Variants in VAV2 observed in about 807,000 individuals in gnomAD.
The protein encoded by VAV2 is vav guanine nucleotide exchange factor 2.
Under a neutral mutation model 132.5 loss-of-function variants are expected in VAV2, and 67 were observed. The ratio of observed to expected loss-of-function variants is 0.51; its 90% CI spans 0.42 to 0.62. VAV2 has a LOEUF of 0.62. Ranked by LOEUF, VAV2 falls within the 20% of genes least tolerant of loss-of-function variation. The probability of loss-of-function intolerance (pLI) is 0.00; values close to 1 mark genes in which losing one functional copy is unlikely to be tolerated. For synonymous variants in VAV2, 492 were observed against 443.5 expected (o/e 1.11, Z -1.37); for missense variants, 938 against 1,153.6 (o/e 0.81, Z 2.71).
chr9:133,819,734 G>T (rs548913114), intron 4 of VAV2, among the ~76,000 whole-genome samples: 9 of 152,238 alleles, frequency 5.9e-5, no homozygotes, highest in African/African-American at 1.9e-4. Context: ...CGTCCAAAGC[G>T]CTCTCCCAAC....
chr9:133,934,224 G>A (rs556913242), intron 2 of VAV2, among the ~76,000 whole-genome samples: 19 of 152,240 alleles, frequency 1.2e-4, no homozygotes, highest in East Asian at 9.7e-4. Context: ...TTGGGGAGCC[G>A]GGAGGCAGCT....
chr9:133,921,051 G>A lies in VAV2; in HGVS notation c.321+18052C>T, dbSNP rs542883513. ...GAAAACCAATTACTTAATAAATGTC[G>A]TTGGCTTAATATGCATAATCTCTGA... On this transcript the variant is annotated intron_variant, in intron 2 of 29. Transcript: ENST00000371850. 1.1e-4 allele frequency among the ~76,000 whole-genome samples: 17 copies of A among 152,290 alleles called. No homozygotes were observed. In the South Asian group the frequency reaches 1.2e-3, roughly 11 times the overall value.
intron 3 of VAV2, among the ~76,000 whole-genome samples, chr9:133,850,878 GGTGGGC>G (rs1407373872): frequency 6.6e-6 from 1 of 152,226 alleles, no homozygotes; most frequent in Non-Finnish European, 1.5e-5. Flanking sequence ...ATCAGCCAAT[GGTGGGC>G]AGGGTACCAC....
At chr9:133,779,020 C>T in intron 21 of VAV2, 131 bp from the exon 22 acceptor site, 1 of 1,185,326 alleles carries the variant, frequency 8.4e-7, no homozygotes, top group South Asian at 1.5e-5. Context: ...CCTGCATCTC[C>T]CTTCCCTAAA....
At chr9:133,986,585 A>G (rs1842862288) in intron 1 of VAV2, among the ~76,000 whole-genome samples, 1 of 152,232 alleles carries the variant, frequency 6.6e-6, no homozygotes, top group Admixed American at 6.5e-5. Context: ...TGTTTGCAGT[A>G]AACGCACTGA....
intron 3 of VAV2, among the ~76,000 whole-genome samples, chr9:133,841,227 T>C (rs1389012748): frequency 6.6e-6 from 1 of 151,852 alleles, no homozygotes; most frequent in Non-Finnish European, 1.5e-5. Flanking sequence ...TTGTTGGTGC[T>C]GATCTAAGAT....
intron 2 of VAV2, among the ~76,000 whole-genome samples, chr9:133,933,996 G>C (rs1840807992): frequency 7.0e-6 from 1 of 143,660 alleles, no homozygotes; most frequent in African/African-American, 2.6e-5. Context: ...GAATGGGTGG[G>C]TAGATGGATG....
intron 3 of VAV2, among the ~76,000 whole-genome samples, chr9:133,860,523 A>G (rs1048750576): frequency 6.6e-6 from 1 of 152,022 alleles, no homozygotes; most frequent in Admixed American, 6.5e-5. Flanking sequence ...CTCAGCCTGT[A>G]GTCATACACA....
intron 18 of VAV2, among the ~76,000 whole-genome samples, chr9:133,783,861 A>T (rs1009629337): frequency 6.8e-6 from 1 of 146,528 alleles, no homozygotes; most frequent in African/African-American, 2.5e-5. Context: ...TGAAACTCTA[A>T]GGGCTTGGCT....
chr9:133,803,433 C>A (rs890770066), intron 9 of VAV2, among the ~76,000 whole-genome samples: 1 of 119,384 alleles, frequency 8.4e-6, no homozygotes, highest in Non-Finnish European at 2.0e-5. Flanking sequence ...AAGGAAGCCA[C>A]CAGGAGCTGG....
chr9:133,951,657 C>T (rs1406665111), intron 1 of VAV2, among the ~76,000 whole-genome samples: 3 of 152,130 alleles, frequency 2.0e-5, no homozygotes, highest in Non-Finnish European at 4.4e-5. Flanking sequence ...GCAGGGGTGG[C>T]AGTCATACCC....
rs145800275 is a variant in VAV2, at chr9:133,802,323, T to TGTACAC, written c.836+3757_836+3758insGTGTAC. On this transcript the variant is annotated intron_variant, in intron 9 of 29. Coordinates refer to ENST00000371850, the MANE Select transcript of VAV2 (RefSeq NM_001134398.2). This position sits in a 1 kb window ranked among gnomAD's most constrained non-coding sequence, Gnocchi z 5.8. ...GCACACAAACACACAAGCACGCGTG[T>TGTACAC]ACACACACACACACACACACACACA... 9.1e-5 allele frequency among the ~76,000 whole-genome samples: 13 copies of TGTACAC among 142,204 alleles called. No homozygotes were observed. The East Asian group carries it at 2.8e-3, about 31-fold the overall frequency. The allele number at this position is 142,204 out of a possible 152,430, so 93.3% of individuals were successfully genotyped here.
At chr9:133,871,610 G>A (rs1210471930) in intron 2 of VAV2, among the ~76,000 whole-genome samples, 2 of 152,076 alleles carry the variant, frequency 1.3e-5, no homozygotes, top group Non-Finnish European at 2.9e-5. Context: ...GCCCCTGACG[G>A]CAGCCTCATA....
At chr9:133,905,739 G>C (rs925472584) in intron 2 of VAV2, among the ~76,000 whole-genome samples, 1 of 152,076 alleles carries the variant, frequency 6.6e-6, no homozygotes, top group African/African-American at 2.4e-5. Flanking sequence ...CTGCAGCACA[G>C]ATGAGGCTCC....
chr9:133,876,399 T>C (rs891852811), intron 2 of VAV2, among the ~76,000 whole-genome samples: 22 of 152,214 alleles, frequency 1.4e-4, no homozygotes, highest in Non-Finnish European at 2.8e-4. Context: ...GGGGTGGGTG[T>C]GGAGCAAAGA....
chr9:133,893,412 G>A (rs551200571), intron 2 of VAV2, among the ~76,000 whole-genome samples: 24 of 152,336 alleles, frequency 1.6e-4, no homozygotes, highest in East Asian at 1.4e-3. Flanking sequence ...GCAGCGCCAC[G>A]GTGGGGCAGC....
chr9:133,981,335 C>T (rs547823898), intron 1 of VAV2, among the ~76,000 whole-genome samples: 35 of 152,324 alleles, frequency 2.3e-4, no homozygotes, highest in Non-Finnish European at 3.2e-4. Flanking sequence ...TGTCCAGGTG[C>T]GCCCAGCAGC....
At chr9:133,770,218 C>T (rs970688063) in intron 27 of VAV2, among the ~76,000 whole-genome samples, 160 bp downstream of exon 27, 2 of 152,236 alleles carry the variant, frequency 1.3e-5, no homozygotes, top group Admixed American at 6.5e-5. Context: ...GGAGATGCCA[C>T]ATGACAGCAT....
At chr9:133,771,163 A>C (rs1833611720) in intron 26 of VAV2, among the ~76,000 whole-genome samples, 1 of 150,714 alleles carries the variant, frequency 6.6e-6, no homozygotes, top group Admixed American at 6.6e-5. Context: ...TCCTGGGTAC[A>C]AACAATTCTC....
Sources: allele counts gnomAD v4.1 joint callset (sites outside exome capture counted in the v4.1 genomes callset), GRCh38; gene constraint gnomAD v4.1.1; non-coding constraint Gnocchi (gnomAD v3.1); transcripts MANE v1.5; gene names NCBI Gene and HGNC (gene_info 2026-07-23, HGNC 2026-07-21).